SYT1: variants seen among roughly 807,000 people sequenced by gnomAD.
SYT1 encodes synaptotagmin 1.
A neutral mutation model predicts 44.8 loss-of-function variants in SYT1; 8 were observed. That is an observed-to-expected ratio of 0.18 (90% confidence interval 0.10 to 0.32). SYT1 has a LOEUF of 0.32. Ranked by LOEUF, SYT1 falls within the 10% of genes least tolerant of loss-of-function variation. The probability of loss-of-function intolerance (pLI) is 1.00; values close to 1 mark genes in which losing one functional copy is unlikely to be tolerated. For missense variants in SYT1, 286 were observed against 509.3 expected (o/e 0.56, Z 4.22); for synonymous variants, 154 against 188.8 (o/e 0.82, Z 1.51).
At chr12:79,045,377 C>T (rs183361226) in intron 2 of SYT1, among the ~76,000 whole-genome samples, 308 of 152,290 alleles carry the variant, frequency 2.0e-3, no homozygotes, top group Non-Finnish European at 3.4e-3. Context: ...GGGAGTGACC[C>T]GATTTTCCAG....
chr12:79,279,380 G>T (rs572180816), intron 4 of SYT1, among the ~76,000 whole-genome samples: 1 of 151,962 alleles, frequency 6.6e-6, no homozygotes, highest in Non-Finnish European at 1.5e-5. Context: ...CACATAAGCA[G>T]AATTAAAAAT....
intron 9 of SYT1, among the ~76,000 whole-genome samples, chr12:79,358,370 C>T (rs1324929601): frequency 1.3e-5 from 2 of 152,144 alleles, no homozygotes; most frequent in Non-Finnish European, 2.9e-5. Flanking sequence ...TAAAAAGTCA[C>T]ATTATCAGTT....
chr12:78,942,296 A>T lies in SYT1; in HGVS notation c.-216-35503A>T, dbSNP rs986507692. 3.9e-5 allele frequency among the ~76,000 whole-genome samples: 6 copies of T among 152,216 alleles called. No individual in the cohort carries two copies. In the East Asian group the frequency reaches 5.8e-4, roughly 15 times the overall value. On this transcript the variant is annotated intron_variant, in intron 1 of 10. Coordinates refer to ENST00000261205, the MANE Select transcript of SYT1 (RefSeq NM_005639.3). ...GATCACATGTTCAATCTTCTTATCC[A>T]GGCATTCAATGACCTTCAAGATTGG...
At chr12:79,154,584 A>G (rs927144828) in intron 3 of SYT1, among the ~76,000 whole-genome samples, 8 of 152,114 alleles carry the variant, frequency 5.3e-5, no homozygotes, top group Non-Finnish European at 1.2e-4. Flanking sequence ...ATTGAATTCA[A>G]TGATTACTTA....
rs919328072 is a variant in SYT1 at position 79,023,711 on chromosome 12, A to G, written c.-83-23586A>G. Among the ~76,000 whole-genome samples, 5 of 151,962 alleles carry G rather than the reference A, an allele frequency of 3.3e-5. No individual in the cohort carries two copies. In the East Asian group the frequency reaches 9.7e-4, roughly 30 times the overall value. On this transcript the variant is annotated intron_variant, in intron 2 of 10. Transcript: ENST00000261205. ...CTACAGACGTTACAAGACAAGCACAAAAATCCCCATATACTCTTTACCAAG... is the reference window on the plus strand; with the variant it reads ...CTACAGACGTTACAAGACAAGCACAGAAATCCCCATATACTCTTTACCAAG...
chr12:78,875,027 T>C (rs1873994492), intron 1 of SYT1, among the ~76,000 whole-genome samples: 1 of 151,634 alleles, frequency 6.6e-6, no homozygotes, highest in Admixed American at 6.6e-5. Context: ...AACAGCAAAT[T>C]GCAGAGCCAC....
At chr12:79,231,019 A>T (rs1448900539) in intron 4 of SYT1, among the ~76,000 whole-genome samples, 1 of 152,200 alleles carries the variant, frequency 6.6e-6, no homozygotes, top group Non-Finnish European at 1.5e-5. Context: ...GCCTGACTAC[A>T]AAAACAAATC....
chr12:79,288,354 C>T (rs1879412133), intron 5 of SYT1, among the ~76,000 whole-genome samples: 2 of 151,992 alleles, frequency 1.3e-5, no homozygotes, highest in Admixed American at 6.6e-5. Context: ...ATAAAGATGG[C>T]TTATGCCCTT....
At chr12:79,289,073 C>A (rs80326113) in intron 5 of SYT1, among the ~76,000 whole-genome samples, 3 of 152,160 alleles carry the variant, frequency 2.0e-5, no homozygotes, top group African/African-American at 7.2e-5. Context: ...GAAATTCAGT[C>A]CCTTGTGCTA....
At chr12:79,190,349 T>A (rs1456818037) in intron 3 of SYT1, among the ~76,000 whole-genome samples, 1 of 152,046 alleles carries the variant, frequency 6.6e-6, no homozygotes, top group Non-Finnish European at 1.5e-5. Context: ...CTTATTGAGA[T>A]TTGGCCTGGA....
chr12:79,182,524 C>T (rs1351941503), intron 3 of SYT1, among the ~76,000 whole-genome samples: 3 of 152,010 alleles, frequency 2.0e-5, no homozygotes, highest in East Asian at 1.9e-4. Context: ...ATCCTGGGGA[C>T]TCAATCAACA....
intron 3 of SYT1, among the ~76,000 whole-genome samples, chr12:79,155,171 T>C (rs533117850): frequency 6.6e-6 from 1 of 152,298 alleles, no homozygotes; most frequent in South Asian, 2.1e-4. Flanking sequence ...GCTAAAGAAC[T>C]ATGTTCATTG....
chr12:79,447,195 T>G (rs183592097), intron 10 of SYT1, among the ~76,000 whole-genome samples: 1 of 152,200 alleles, frequency 6.6e-6, no homozygotes, highest in East Asian at 1.9e-4. Flanking sequence ...TCTCTGCTCC[T>G]TGAGTCACTT....
intron 4 of SYT1, among the ~76,000 whole-genome samples, chr12:79,264,389 A>G (rs1369588151): frequency 3.3e-5 from 5 of 152,086 alleles, no homozygotes; most frequent in Non-Finnish European, 7.4e-5. Context: ...TTCAGTGGAA[A>G]CGTGATAAAG....
At chr12:79,195,411 T>C (rs1873388976) in intron 3 of SYT1, among the ~76,000 whole-genome samples, 1 of 151,966 alleles carries the variant, frequency 6.6e-6, no homozygotes, top group African/African-American at 2.4e-5. Flanking sequence ...TGCTGCATTT[T>C]GTTGGGTTGA....
chr12:79,165,462 G>A (rs940585008), intron 3 of SYT1, among the ~76,000 whole-genome samples: 12 of 151,906 alleles, frequency 7.9e-5, no homozygotes, highest in African/African-American at 2.9e-4. Flanking sequence ...TGTTCTTTAA[G>A]GACGGTATGG....
intron 3 of SYT1, among the ~76,000 whole-genome samples, chr12:79,095,818 T>G (rs1439606345): frequency 1.3e-5 from 2 of 151,944 alleles, no homozygotes; most frequent in Non-Finnish European, 2.9e-5. Flanking sequence ...TCCCTCTTCC[T>G]TCTGAAGATT....
At chr12:78,947,439 G>C (rs1013411858) in intron 1 of SYT1, among the ~76,000 whole-genome samples, 22 of 150,666 alleles carry the variant, frequency 1.5e-4, no homozygotes, top group Middle Eastern at 3.4e-3. Flanking sequence ...CAAACCATTT[G>C]AGCAAGAACT....
chr12:79,092,071 C>T (rs975624859), intron 3 of SYT1, among the ~76,000 whole-genome samples: 3 of 151,890 alleles, frequency 2.0e-5, no homozygotes, highest in African/African-American at 7.2e-5. Flanking sequence ...TACCTTTAAA[C>T]TTGAGTGAAT....
Sources: allele counts gnomAD v4.1 joint callset (sites outside exome capture counted in the v4.1 genomes callset), GRCh38; gene constraint gnomAD v4.1.1; transcripts MANE v1.5; gene names NCBI Gene and HGNC (gene_info 2026-07-23, HGNC 2026-07-21).